The following RIN1 variants were observed in gnomAD, a reference collection of about 807,000 sequenced individuals.
The protein encoded by RIN1 is ras inhibitor 1.
In RIN1, 52 loss-of-function variants were observed where a neutral mutation model predicts 64.9. That is an observed-to-expected ratio of 0.80 (90% CI 0.64 to 1.01). The LOEUF is 1.01. Among genes scored for constraint, RIN1 ranks in the 50% least tolerant of loss-of-function variants. RIN1 has a pLI of 0.00. For synonymous variants in RIN1, 486 were observed against 483.6 expected (o/e 1.00, Z -0.06); for missense variants, 1,040 against 1,064.5 (o/e 0.98, Z 0.32).
chr11:66,336,345 A>G lies in RIN1; in HGVS notation c.58T>C (p.Phe20Leu), dbSNP rs1590923522. The change falls in exon 1 of 10, where the codon TTC (phenylalanine) becomes CTC (leucine). Residue 20 changes from phenylalanine to leucine, a missense_variant. Transcript: ENST00000311320. The part of the protein sequence containing the change: ...GSPGAPSPSS[F>L]TTGHLAREKP... The stretch of plus-strand genomic sequence containing the variant: ...TCTCTCGCCAGGTGCCCAGTAGTGA[A>G]GCTGGACGGGCTGGGGGCTCCAGGA... 1.2e-6 allele frequency: 2 copies of G among 1,613,698 alleles called. No individual in the cohort carries two copies. The highest frequency in any genetic ancestry group is 2.2e-5 in the East Asian group (1 of 44,874).
rs1854792737 is a variant in RIN1 at position 66,333,617 on chromosome 11, G to A, written c.1633C>T (p.Leu545Phe). 6.2e-7 allele frequency: 1 copy of A among 1,612,422 alleles called. No individual in the cohort carries two copies. Residue 545 changes from leucine to phenylalanine, a missense_variant, in exon 8 of 10, where the codon CTC becomes TTC. Leu to Phe is a conservative substitution (Grantham distance 22). Transcript: ENST00000311320. ...GGAAGGTCACAGTGGGCCAAGACGA[G>A]GCTCAGCAGAGGCAGGAACTCGTCG... The part of the protein sequence containing the change: ...GADEFLPLLS[L>F]VLAHCDLPEL...
At chr11:66,334,459 G>A in intron 6 of RIN1, 55 bp downstream of exon 6, 1 of 1,574,980 alleles carries the variant, frequency 6.3e-7, no homozygotes, top group Non-Finnish European at 8.6e-7. Flanking sequence ...CGCTGTGGAG[G>A]GGAGCAGAGG....
chr11:66,335,095 G>A lies in RIN1; in HGVS notation c.704C>T (p.Pro235Leu), dbSNP rs754669674. The A allele has an allele frequency of 6.5e-7, 1 of 1,529,260 alleles. No homozygotes were observed. Among genetic ancestry groups the A allele is most frequent in the Admixed American group, 2.2e-5 (1 of 45,196 alleles). The allele number at this position is 1,529,260 out of a possible 1,614,324, so 94.7% of individuals were successfully genotyped here. Residue 235 changes from proline (P) to leucine (L), a missense_variant, in exon 6 of 10, where the codon CCC (proline) becomes CTC (leucine). Pro to Leu is a moderately conservative substitution (Grantham distance 98). Coordinates refer to ENST00000311320, the MANE Select transcript of RIN1 (RefSeq NM_004292.3). The stretch of plus-strand genomic sequence containing the variant: ...TCTCTTGAATTTCTCCCGCTTGGTG[G>A]GCCCTAGGTCCCCCGGGAACAGGGG... ...FNPLFPGDLG[P>L]TKREKFKRSF... is the part of the protein sequence containing the mutation.
chr11:66,332,689 GC>G lies in RIN1; in HGVS notation c.1938del (p.Pro648GlnfsTer8), dbSNP rs1437109016. On this transcript the variant is annotated frameshift_variant, in exon 10 of 10. Transcript: ENST00000311320. LOFTEE classifies it high-confidence loss of function. The part of the protein sequence containing the change: ...SSGCTSKTLA[V>X]PPEASIATLN... ...AGGGTGGCAATCGAGGCTTCTGGGGGCACGGCCAGGGTCTTGGAGGTGCAGC... is the reference window on the plus strand; with the variant it reads ...AGGGTGGCAATCGAGGCTTCTGGGGGACGGCCAGGGTCTTGGAGGTGCAGC... 6.4e-7 allele frequency: 1 copy of G among 1,555,796 alleles called. No individual in the cohort carries two copies. The highest frequency in any genetic ancestry group is 8.7e-7 in the Non-Finnish European group (1 of 1,151,284).
intron 9 of RIN1, 107 bp downstream of exon 9, chr11:66,333,151 A>G (rs934088309): frequency 1.5e-5 from 21 of 1,378,534 alleles, no homozygotes; most frequent in Non-Finnish European, 2.0e-5. Flanking sequence ...CAGAGCCAGG[A>G]TTAGAACCCA....
Position 66,336,404 on chromosome 11 carries a change from G to C in RIN1, c.-2C>G. On this transcript the variant is annotated 5_prime_UTR_variant, in exon 1 of 10. Coordinates refer to ENST00000311320, the MANE Select transcript of RIN1 (RefSeq NM_004292.3). ...GCCTGACTCTCCAGGGCTTTCCATG[G>C]CTGGGAGCTCCTTCGCTTCAGGAAG... 1 of 1,611,758 alleles carries C rather than the reference G, an allele frequency of 6.2e-7. No individual in the cohort carries two copies. The highest frequency in any genetic ancestry group is 8.5e-7 in the Non-Finnish European group (1 of 1,178,964).
chr11:66,334,916 A>AC lies in RIN1; in HGVS notation c.882dup (p.Tyr295ValfsTer10). The AC allele has an allele frequency of 6.3e-7, 1 of 1,584,764 alleles. No individual in the cohort carries two copies. Among genetic ancestry groups the AC allele is most frequent in the Middle Eastern group, 1.7e-4 (1 of 5,970 alleles). On this transcript the variant is annotated frameshift_variant, in exon 6 of 10. Coordinates refer to ENST00000311320, the MANE Select transcript of RIN1 (RefSeq NM_004292.3). LOFTEE classifies it high-confidence loss of function. The stretch of plus-strand genomic sequence containing the variant: ...GGGCCACTGCCTGCTGGCACGCGGT[A>AC]CCCCACTGAGCTCTCCCTCCGTAGC...
Position 66,335,029 on chromosome 11 carries a change from AG to A in RIN1, c.769del (p.Leu257CysfsTer94). 1 of 1,532,982 alleles carries A rather than the reference AG, an allele frequency of 6.5e-7. No homozygotes were observed. The highest frequency in any genetic ancestry group is 2.2e-5 in the Admixed American group (1 of 46,442). The allele number at this position is 1,532,982 out of a possible 1,614,324, so 95.0% of individuals were successfully genotyped here. On this transcript the variant is annotated frameshift_variant, in exon 6 of 10. Coordinates refer to ENST00000311320, the MANE Select transcript of RIN1 (RefSeq NM_004292.3). LOFTEE classifies it high-confidence loss of function. ...GGGAGGTGGCACGGCAGGTGGAGAC[AG>A]GGGGCTGGAGGTCTCTGTGGACACG... Reference protein sequence around the residue: ...VRVSTETSSPLSPPAVPPPPV... With the variant: ...VRVSTETSSPXSPPAVPPPPV...
At chr11:66,336,292 T>C in intron 1 of RIN1, 25 bp downstream of exon 1, 1 of 1,590,730 alleles carries the variant, frequency 6.3e-7, no homozygotes, top group Non-Finnish European at 8.6e-7. Flanking sequence ...CTGCCCCACC[T>C]GGCTGCCCTG....
rs1399315193 is a variant in RIN1 at position 66,332,687 on chromosome 11, G to C, written c.1941C>G (p.Pro647=). Residue 647 remains proline (P), a synonymous_variant, in exon 10 of 10, where the codon CCC becomes CCG. Coordinates refer to ENST00000311320, the MANE Select transcript of RIN1 (RefSeq NM_004292.3). ...SGCTSKTLAV[P]PEASIATLNQ... ...TCAGGGTGGCAATCGAGGCTTCTGGGGGCACGGCCAGGGTCTTGGAGGTGC... is the reference window on the plus strand; with the variant it reads ...TCAGGGTGGCAATCGAGGCTTCTGGCGGCACGGCCAGGGTCTTGGAGGTGC... The C allele has an allele frequency of 7.1e-6, 11 of 1,558,184 alleles. No homozygotes were observed. Among genetic ancestry groups the C allele is most frequent in the Non-Finnish European group, 9.5e-6 (11 of 1,152,400 alleles).
chr11:66,333,940 T>G lies in RIN1; in HGVS notation c.1570A>C (p.Met524Leu). Residue 524 changes from methionine (M) to leucine (L), a missense_variant, in exon 7 of 10, where the codon ATG becomes CTG. Transcript: ENST00000311320. Reference protein sequence around the residue: ...RLLQACKLLYMALRTQEGEGA... With the variant: ...RLLQACKLLYLALRTQEGEGA... ...ATACCTTCCTGGGTCCTCAGGGCCA[T>G]GTAGAGCAGCTTGCAGGCCTGCAGG... The G allele has an allele frequency of 1.3e-6, 2 of 1,549,592 alleles. No homozygotes were observed. The highest frequency in any genetic ancestry group is 2.0e-5 in the Admixed American group (1 of 50,470).
chr11:66,334,176 C>G lies in RIN1; in HGVS notation c.1334G>C (p.Arg445Pro), dbSNP rs748453036. 2.0e-6 allele frequency: 3 copies of G among 1,484,074 alleles called. No individual in the cohort carries two copies. Among genetic ancestry groups the G allele is most frequent in the Admixed American group, 2.4e-5 (1 of 42,194 alleles). 91.9% of individuals were successfully genotyped at this position (1,484,074 alleles called of 1,614,324 possible). ...SLHCSVLKPL[R>P]PILAARLRRR... ...CCGCAGGCGGGCTGCCAGGATGGGC[C>G]GGAGAGGCTTGAGCACAGAGCAATG... Residue 445 changes from arginine (R) to proline (P), a missense_variant, in exon 7 of 10, where the codon CGG becomes CCG. Arg to Pro is a moderately radical substitution (Grantham distance 103). Transcript: ENST00000311320.
chr11:66,334,317 G>C (rs758845089), intron 6 of RIN1, 93 bp from the exon 7 acceptor site: 8 of 1,273,658 alleles, frequency 6.3e-6, no homozygotes, highest in East Asian at 2.5e-5. Flanking sequence ...TCGGGGAGGA[G>C]AGGCAAGGAA....
chr11:66,334,508 C>A lies in RIN1; in HGVS notation c.1285+6G>T, dbSNP rs773006202. ...GTGCTGGAGCTATGGAGAGACGGAG[C>A]CTCACCCAGCCTCTTAGGCGACAGC... On this transcript the variant is annotated splice_donor_region_variant and intron_variant, in intron 6 of 9. Coordinates refer to ENST00000311320, the MANE Select transcript of RIN1 (RefSeq NM_004292.3). 2 of 1,595,248 alleles carry A rather than the reference C, an allele frequency of 1.3e-6. No homozygotes were observed. Among genetic ancestry groups the A allele is most frequent in the Non-Finnish European group, 1.7e-6 (2 of 1,172,600 alleles).
In RIN1 at chr11:66,335,825, G is replaced by A. The variant is rs747513842; in HGVS notation, c.319C>T (p.Arg107Trp). The A allele has an allele frequency of 7.5e-6, 12 of 1,606,672 alleles. No individual in the cohort carries two copies. Among genetic ancestry groups the A allele is most frequent in the Middle Eastern group, 1.7e-4 (1 of 6,040 alleles). ...NTRQCQALCM[R>W]LPEASGPSFV... ...GAGGGGCCACTGGCTTCAGGCAACCGCATGCACAGGGCCTGGCACTGGCGG... is the reference window on the plus strand; with the variant it reads ...GAGGGGCCACTGGCTTCAGGCAACCACATGCACAGGGCCTGGCACTGGCGG... The change falls in exon 3 of 10, where the codon CGG becomes TGG. Residue 107 changes from arginine (R) to tryptophan (W), a missense_variant. Coordinates refer to ENST00000311320, the MANE Select transcript of RIN1 (RefSeq NM_004292.3).
At position 66,334,495 on chromosome 11, in the gene RIN1, TG is replaced by T; in HGVS notation, c.1285+18del. 2 of 1,593,388 alleles carry T rather than the reference TG, an allele frequency of 1.3e-6. No individual in the cohort carries two copies. Among genetic ancestry groups the T allele is most frequent in the South Asian group, 1.1e-5 (1 of 87,452 alleles). ...GTCGGATGGGGCAGTGCTGGAGCTATGGAGAGACGGAGCCTCACCCAGCCTC... is the reference window on the plus strand; with the variant it reads ...GTCGGATGGGGCAGTGCTGGAGCTATGAGAGACGGAGCCTCACCCAGCCTC... On this transcript the variant is annotated intron_variant, in intron 6 of 9. Transcript: ENST00000311320.
chr11:66,335,625 GCA>G lies in RIN1; in HGVS notation c.438_439del (p.Ala147LeufsTer36). The G allele has an allele frequency of 6.2e-7, 1 of 1,613,710 alleles. No individual in the cohort carries two copies. The highest frequency in any genetic ancestry group is 8.5e-7 in the Non-Finnish European group (1 of 1,179,852). The stretch of plus-strand genomic sequence containing the variant: ...GCAGACTCACCGGGTGTGGCAGTAG[GCA>G]CAGATGAGCTGGACTAGGTCTGGGA... On this transcript the variant is annotated frameshift_variant, in exon 4 of 10. Transcript: ENST00000311320. LOFTEE classifies it high-confidence loss of function.
At position 66,332,124 on chromosome 11, in the gene RIN1, T is replaced by C. The variant is rs1311813422; in HGVS notation, c.*152A>G. 24 of 774,450 alleles carry C rather than the reference T, an allele frequency of 3.1e-5. No homozygotes were observed. The highest frequency in any genetic ancestry group is 4.1e-5 in the Non-Finnish European group (19 of 465,176). 48.0% of individuals were successfully genotyped at this position (774,450 alleles called of 1,614,324 possible). On this transcript the variant is annotated 3_prime_UTR_variant, in exon 10 of 10. Transcript: ENST00000311320. ...CATCTTTATTCCAGTTCCTCAGATG[T>C]GGCAGTTCCCCCAGCTTCCCTGGAA...
chr11:66,336,690 G>A (rs549817151), upstream of RIN1: 80 of 427,760 alleles, frequency 1.9e-4, no homozygotes, highest in South Asian at 1.0e-3. Flanking sequence ...CACGTGGGCG[G>A]GAAGTGGTTA....
Sources: allele counts gnomAD v4.1 joint callset, GRCh38; gene constraint gnomAD v4.1.1; transcripts MANE v1.5; gene names NCBI Gene and HGNC (gene_info 2026-07-23, HGNC 2026-07-21).